The following EFCAB6 variants were observed in gnomAD, a reference collection of about 807,000 sequenced individuals.
EFCAB6 encodes EF-hand calcium binding domain 6, also known as EF-hand calcium-binding domain-containing protein 6.
Under a neutral mutation model 169.8 loss-of-function variants are expected in EFCAB6, and 156 were observed. That is an observed-to-expected ratio of 0.92 (90% CI 0.81 to 1.05). The LOEUF (loss-of-function observed/expected upper bound fraction) is 1.05. Ranked by LOEUF, EFCAB6 falls within the 50% of genes least tolerant of loss-of-function variation. The pLI, the probability that EFCAB6 is intolerant of heterozygous loss-of-function variation, is 0.00. For synonymous variants in EFCAB6, 698 were observed against 676.4 expected, an observed-to-expected ratio of 1.03 and a Z score of -0.50; for missense variants, 1,800 against 1,829.1, an observed-to-expected ratio of 0.98 and a Z score of 0.29.
intron 5 of EFCAB6, among the ~76,000 whole-genome samples, chr22:43,757,100 G>T (rs1020055143): frequency 5.3e-5 from 8 of 152,348 alleles, no homozygotes; most frequent in South Asian, 2.1e-4. Flanking sequence ...CCTTACATAG[G>T]AGGAAACTGA....
At chr22:43,616,359 G>A (rs984977491) in intron 20 of EFCAB6, among the ~76,000 whole-genome samples, 1 of 152,210 alleles carries the variant, frequency 6.6e-6, no homozygotes, top group Admixed American at 6.5e-5. Context: ...TCCAAGGTGA[G>A]GCTTGTAGGA....
At chr22:43,699,172 G>A (rs1357555919) in intron 10 of EFCAB6, among the ~76,000 whole-genome samples, 4 of 152,170 alleles carry the variant, frequency 2.6e-5, no homozygotes, top group Non-Finnish European at 5.9e-5. Flanking sequence ...ACGCAGGTGG[G>A]TTGCTTTAAC....
intron 28 of EFCAB6, among the ~76,000 whole-genome samples, chr22:43,538,638 C>T (rs894409130): frequency 1.4e-4 from 22 of 152,178 alleles, no homozygotes; most frequent in South Asian, 4.1e-4. Flanking sequence ...CCACCTGCCT[C>T]GGCTTCCCAA....
chr22:43,661,602 C>A (rs898391970), intron 17 of EFCAB6, among the ~76,000 whole-genome samples: 2 of 152,108 alleles, frequency 1.3e-5, no homozygotes, highest in African/African-American at 2.4e-5. Context: ...GAAAGAATAG[C>A]GCCCTTCTCC....
chr22:43,687,223 C>G (rs1216189780), intron 11 of EFCAB6, among the ~76,000 whole-genome samples: 1 of 152,174 alleles, frequency 6.6e-6, no homozygotes, highest in Non-Finnish European at 1.5e-5. Flanking sequence ...TGATGGAGTT[C>G]AGATTGTATC....
chr22:43,606,516 A>G (rs2147603188), intron 22 of EFCAB6, among the ~76,000 whole-genome samples: 1 of 152,326 alleles, frequency 6.6e-6, no homozygotes, highest in African/African-American at 2.4e-5. Flanking sequence ...CCCAGGACTC[A>G]AGTGGCCCTG....
At chr22:43,741,514 T>G (rs2060370552) in intron 6 of EFCAB6, among the ~76,000 whole-genome samples, 1 of 152,248 alleles carries the variant, frequency 6.6e-6, no homozygotes, top group Non-Finnish European at 1.5e-5. Flanking sequence ...TTCATTTTTC[T>G]TCTTAGCATT....
intron 13 of EFCAB6, among the ~76,000 whole-genome samples, chr22:43,677,756 A>G (rs1305630811): frequency 6.6e-6 from 1 of 152,122 alleles, no homozygotes; most frequent in African/African-American, 2.4e-5. Flanking sequence ...CCTGTATATA[A>G]AGGGCTCTCG....
intron 17 of EFCAB6, among the ~76,000 whole-genome samples, chr22:43,649,968 G>A (rs898010067): frequency 6.6e-5 from 10 of 152,212 alleles, no homozygotes; most frequent in African/African-American, 2.4e-4. Flanking sequence ...GATTGCTAGT[G>A]AGAAAGAAAA....
intron 15 of EFCAB6, among the ~76,000 whole-genome samples, chr22:43,670,385 C>T (rs1466460487): frequency 6.6e-6 from 1 of 152,178 alleles, no homozygotes; most frequent in East Asian, 1.9e-4. Context: ...ACATTCCCTA[C>T]CTTTGCTCTG....
At chr22:43,665,975 A>G (rs2057228944) in intron 17 of EFCAB6, among the ~76,000 whole-genome samples, 1 of 152,088 alleles carries the variant, frequency 6.6e-6, no homozygotes, top group Admixed American at 6.5e-5. Flanking sequence ...TTTAGTAGAG[A>G]TGGGGTTTCG....
At chr22:43,633,099 G>C (rs1370403351) in intron 18 of EFCAB6, among the ~76,000 whole-genome samples, 2 of 152,200 alleles carry the variant, frequency 1.3e-5, no homozygotes, top group Non-Finnish European at 2.9e-5. Context: ...TACCTAGGGG[G>C]TGGTGAGGCT....
At chr22:43,775,632 C>T (rs1221203741) in intron 3 of EFCAB6, among the ~76,000 whole-genome samples, 4 of 152,260 alleles carry the variant, frequency 2.6e-5, no homozygotes, top group South Asian at 4.1e-4. Context: ...TTAATACAGA[C>T]GGGGTTTCAC....
chr22:43,758,394 T>C (rs564724153), intron 5 of EFCAB6, among the ~76,000 whole-genome samples: 37 of 152,306 alleles, frequency 2.4e-4, no homozygotes, highest in African/African-American at 8.9e-4. Flanking sequence ...ATGTTGGGAA[T>C]TAAATACTTT....
chr22:43,790,987 A>T (rs1229582547), intron 2 of EFCAB6, among the ~76,000 whole-genome samples: 3 of 152,326 alleles, frequency 2.0e-5, no homozygotes, highest in Non-Finnish European at 4.4e-5. Flanking sequence ...TTTACAGAAG[A>T]TCAACACTTC....
intron 22 of EFCAB6, among the ~76,000 whole-genome samples, chr22:43,601,186 T>G (rs896911329): frequency 6.6e-6 from 1 of 152,230 alleles, no homozygotes; most frequent in Non-Finnish European, 1.5e-5. Flanking sequence ...TTATGCTATG[T>G]ACCTTTTATG....
At chr22:43,750,107 T>TCA in intron 6 of EFCAB6, among the ~76,000 whole-genome samples, 1 of 152,100 alleles carries the variant, frequency 6.6e-6, no homozygotes, top group South Asian at 2.1e-4. Flanking sequence ...TATTAATTTG[T>TCA]CACACACAGG....
rs1325505209 is a variant in EFCAB6 at position 43,784,619 on chromosome 22, A to G, written c.-7-2294T>C. Among the ~76,000 whole-genome samples the G allele has an allele frequency of 4.6e-4, 45 of 97,006 alleles. 5 individuals carry two copies. Among genetic ancestry groups the G allele is most frequent in the South Asian group, 6.5e-4 (2 of 3,070 alleles). The allele number at this position is 97,006 out of a possible 152,430, so 63.6% of individuals were successfully genotyped here. On this transcript the variant is annotated intron_variant, in intron 2 of 31. Transcript: ENST00000262726. ...TATATACACATATATATGTGTATAT[A>G]TACACATATATATGTATATGTACAC... is the stretch of plus-strand genomic sequence containing the variant.
chr22:43,655,538 T>C (rs1210131001), intron 17 of EFCAB6, among the ~76,000 whole-genome samples: 1 of 139,614 alleles, frequency 7.2e-6, no homozygotes, highest in African/African-American at 2.6e-5. Context: ...AAAAAAAAAG[T>C]TGGATAATCC....
Sources: allele counts gnomAD v4.1 joint callset (sites outside exome capture counted in the v4.1 genomes callset), GRCh38; gene constraint gnomAD v4.1.1; transcripts MANE v1.5; gene names NCBI Gene and HGNC (gene_info 2026-07-23, HGNC 2026-07-21).